EIF2AK1: variants seen among roughly 807,000 people sequenced by gnomAD.
The protein encoded by EIF2AK1 is eukaryotic translation initiation factor 2 alpha kinase 1.
EIF2AK1 carries 54 observed loss-of-function variants against 77.9 expected under a neutral mutation model. That is an observed-to-expected ratio of 0.69 (90% CI 0.56 to 0.87). The LOEUF is 0.87. Among genes scored for constraint, EIF2AK1 ranks in the 40% least tolerant of loss-of-function variants. EIF2AK1 has a pLI of 0.00. For synonymous variants in EIF2AK1, 314 were observed against 290.5 expected, an observed-to-expected ratio of 1.08 and a Z score of -0.82; for missense variants, 810 against 768.6, an observed-to-expected ratio of 1.05 and a Z score of -0.64.
In EIF2AK1 at chr7:6,023,977, G is replaced by C; in HGVS notation, c.*696C>G. 4 of 1,376,734 alleles carry C rather than the reference G, an allele frequency of 2.9e-6. No individual in the cohort carries two copies. The highest frequency in any genetic ancestry group is 3.8e-6 in the Non-Finnish European group (4 of 1,046,896). 85.3% of individuals were successfully genotyped at this position (1,376,734 alleles called of 1,614,324 possible). ...GAGGGATGTACAGATTGGCTGGGGA[G>C]CTGAGTGCTACAATAAAGGAGGAAG... On this transcript the variant is annotated 3_prime_UTR_variant, in exon 15 of 15. Transcript: ENST00000199389.
At chr7:6,027,000 C>A in intron 13 of EIF2AK1, 39 bp from the exon 14 acceptor site, 2 of 1,533,648 alleles carry the variant, frequency 1.3e-6, no homozygotes, top group Non-Finnish European at 1.8e-6. Flanking sequence ...TAGTGAAATA[C>A]AAAGTTAGAA....
In EIF2AK1 at chr7:6,048,812, T is replaced by C. The variant is rs2128890962; in HGVS notation, c.444A>G (p.Lys148=). ...DPCEDISRIQ[K]IRSREVALEA... is the part of the protein sequence containing the mutation. ...AGAAAGTTTTTCACACATACCTGAT[T>C]TTCTGGATACGAGAAATATCCTCAC... is the stretch of plus-strand genomic sequence containing the variant. The change falls in exon 4 of 15, where the codon AAA becomes AAG. Residue 148 remains lysine, a synonymous_variant. Transcript: ENST00000199389. The C allele has an allele frequency of 1.9e-6, 3 of 1,586,152 alleles. No individual in the cohort carries two copies. Among genetic ancestry groups the C allele is most frequent in the South Asian group, 1.2e-5 (1 of 83,540 alleles).
Position 6,023,752 on chromosome 7 carries a change from A to T in EIF2AK1, c.*921T>A, listed in dbSNP as rs748008909. Reference sequence around the variant, plus strand: ...AGAATGGTGCTCTTTCATGCCTATTATCAGTAAGGGGACTTGTATTAGAGT... The same window carrying T: ...AGAATGGTGCTCTTTCATGCCTATTTTCAGTAAGGGGACTTGTATTAGAGT... On this transcript the variant is annotated 3_prime_UTR_variant, in exon 15 of 15. Coordinates refer to ENST00000199389, the MANE Select transcript of EIF2AK1 (RefSeq NM_014413.4). 4.3e-6 allele frequency: 7 copies of T among 1,612,486 alleles called. No individual in the cohort carries two copies. The highest frequency in any genetic ancestry group is 4.2e-6 in the Non-Finnish European group (5 of 1,179,094).
At chr7:6,051,900 T>C (rs901113706) in intron 2 of EIF2AK1, among the ~76,000 whole-genome samples, 3 of 151,974 alleles carry the variant, frequency 2.0e-5, no homozygotes, top group Non-Finnish European at 2.9e-5. Context: ...AGACTGGGCA[T>C]GGTGGCTCAC....
At chr7:6,052,836 C>G (rs1365605304) in intron 2 of EIF2AK1, among the ~76,000 whole-genome samples, 1 of 151,698 alleles carries the variant, frequency 6.6e-6, no homozygotes, top group Non-Finnish European at 1.5e-5. Flanking sequence ...CATGGTGGCA[C>G]GTGCCTACCC....
At chr7:6,041,719 T>C (rs1179549720) in intron 8 of EIF2AK1, among the ~76,000 whole-genome samples, 1 of 151,806 alleles carries the variant, frequency 6.6e-6, no homozygotes, top group Non-Finnish European at 1.5e-5. Flanking sequence ...CATGCGCCTA[T>C]AGTCCCAGCT....
rs1313057850 is a variant in EIF2AK1, at chr7:6,035,076, A to T, written c.1332+2348T>A. Among the ~76,000 whole-genome samples the T allele has an allele frequency of 3.3e-5, 5 of 152,216 alleles. No individual in the cohort carries two copies. The highest frequency in any genetic ancestry group is 1.5e-5 in the Non-Finnish European group (1 of 68,040). On this transcript the variant is annotated intron_variant, in intron 11 of 14. Coordinates refer to ENST00000199389, the MANE Select transcript of EIF2AK1 (RefSeq NM_014413.4). This position sits in a 1 kb window ranked among gnomAD's most constrained non-coding sequence, Gnocchi z 5.5. ...ACTGTGTGAGGTGCCAGACTGCAGA[A>T]ATCACTAAGATACAGCCTTGAAGGG...
At position 6,044,088 on chromosome 7, in the gene EIF2AK1, G is replaced by A. The variant is rs547662584; in HGVS notation, c.730+474C>T. ...CACTCCAGCCTGGGTGACAGAGCGAGACTCTGTCTCAAAAAAAAGAAAAGA... is the reference window on the plus strand; with the variant it reads ...CACTCCAGCCTGGGTGACAGAGCGAAACTCTGTCTCAAAAAAAAGAAAAGA... On this transcript the variant is annotated intron_variant, in intron 7 of 14. Coordinates refer to ENST00000199389, the MANE Select transcript of EIF2AK1 (RefSeq NM_014413.4). Among the ~76,000 whole-genome samples, 29 of 151,846 alleles carry A rather than the reference G, an allele frequency of 1.9e-4. No individual in the cohort carries two copies. In the South Asian group the frequency reaches 6.0e-3, roughly 32 times the overall value.
At position 6,038,162 on chromosome 7, in the gene EIF2AK1, G is replaced by A. The variant is rs1239122423; in HGVS notation, c.1231+398C>T. Among the ~76,000 whole-genome samples, 7 of 152,254 alleles carry A rather than the reference G, an allele frequency of 4.6e-5. No homozygotes were observed. In the East Asian group the frequency reaches 7.7e-4, roughly 17 times the overall value. ...GAAAACATTCTGGCCAGGTGCAGAC[G>A]CTCACGCCTATAATCTCAGCACTTT... On this transcript the variant is annotated intron_variant, in intron 10 of 14. Coordinates refer to ENST00000199389, the MANE Select transcript of EIF2AK1 (RefSeq NM_014413.4).
At chr7:6,049,501 C>T (rs184150594) in intron 3 of EIF2AK1, among the ~76,000 whole-genome samples, 1 of 152,252 alleles carries the variant, frequency 6.6e-6, no homozygotes, top group African/African-American at 2.4e-5. Context: ...CAAGATTGCG[C>T]CACTGCACTC....
rs548620627 is a variant in EIF2AK1, at chr7:6,052,857, G to T, written c.277+1689C>A. Reference sequence around the variant, plus strand: ...GGCACGTGCCTACCCCAGCTACTCGGGAGGGTGAGGCAGGAGAATCACTTG... The same window carrying T: ...GGCACGTGCCTACCCCAGCTACTCGTGAGGGTGAGGCAGGAGAATCACTTG... On this transcript the variant is annotated intron_variant, in intron 2 of 14. Transcript: ENST00000199389. Among the ~76,000 whole-genome samples the T allele has an allele frequency of 3.3e-5, 5 of 152,130 alleles. No individual in the cohort carries two copies. The East Asian group carries it at 9.7e-4, about 29-fold the overall frequency.
chr7:6,038,927 G>C (rs967565082), intron 9 of EIF2AK1, among the ~76,000 whole-genome samples: 1 of 152,034 alleles, frequency 6.6e-6, no homozygotes, highest in Non-Finnish European at 1.5e-5. Context: ...CCAGCAGAAG[G>C]GGGGCCAGGC....
chr7:6,025,658 C>A (rs759455784), intron 14 of EIF2AK1, among the ~76,000 whole-genome samples: 2 of 152,194 alleles, frequency 1.3e-5, no homozygotes, highest in Non-Finnish European at 2.9e-5. Flanking sequence ...TATATTGAGA[C>A]GGAGTCTCGC....
Position 6,046,146 on chromosome 7 carries a change from C to T in EIF2AK1, c.555G>A (p.Arg185=), listed in dbSNP as rs773847022. 6 of 1,526,870 alleles carry T rather than the reference C, an allele frequency of 3.9e-6. No homozygotes were observed. Among genetic ancestry groups the T allele is most frequent in the South Asian group, 3.7e-5 (3 of 80,178 alleles). The allele number at this position is 1,526,870 out of a possible 1,614,324, so 94.6% of individuals were successfully genotyped here. A position where few individuals can be genotyped will look rare whatever the true frequency, so the allele number is the denominator to read the frequency against. ...KGGYGRVYKV[R]NKLDGQYYAI... is the part of the protein sequence containing the mutation. Reference sequence around the variant, plus strand: ...CATAATACTGACCATCTAATTTATTCCTGACCTGAAAAGTAGAAAAAAAGA... The same window carrying T: ...CATAATACTGACCATCTAATTTATTTCTGACCTGAAAAGTAGAAAAAAAGA... Residue 185 remains arginine, a synonymous_variant, in exon 6 of 15, where the codon AGG becomes AGA. Transcript: ENST00000199389.
rs749747260 is a variant in EIF2AK1 at position 6,056,628 on chromosome 7, A to ATATATATATATGTATG, written c.119-1925_119-1924insCATACATATATATATA. On this transcript the variant is annotated intron_variant, in intron 1 of 14. Coordinates refer to ENST00000199389, the MANE Select transcript of EIF2AK1 (RefSeq NM_014413.4). ...AAAAAAAAAAAATATATATATATAT[A>ATATATATATATGTATG]TATATATAAACTCTGTCTGGACATT... is the stretch of plus-strand genomic sequence containing the variant. Among the ~76,000 whole-genome samples, 260 of 75,898 alleles carry ATATATATATATGTATG rather than the reference A, an allele frequency of 3.4e-3. 7 individuals carry two copies. The highest frequency in any genetic ancestry group is 0.01 in the South Asian group (26 of 2,482). 49.8% of individuals were successfully genotyped at this position (75,898 alleles called of 152,430 possible).
At chr7:6,058,128 G>A in intron 1 of EIF2AK1, 1 of 455,568 alleles carries the variant, frequency 2.2e-6, no homozygotes, top group South Asian at 1.5e-5. Flanking sequence ...AAAACTTGGG[G>A]GCTGAGAGTG....
At position 6,027,798 on chromosome 7, in the gene EIF2AK1, G is replaced by T. The variant is rs1225867572; in HGVS notation, c.1530+817C>A. ...AAATCGATTTAGGCCAGGCGCAGAG[G>T]TTCATGCCTTAATCCCAGCACTTTG... On this transcript the variant is annotated intron_variant, in intron 13 of 14. Transcript: ENST00000199389. The surrounding 1 kb of genome is among the most constrained non-coding windows in gnomAD (Gnocchi z 4.5). The T allele has an allele frequency of 9.8e-6, 3 of 306,620 alleles. No homozygotes were observed. The Admixed American group carries it at 1.3e-4, about 14-fold the overall frequency. 19.0% of individuals were successfully genotyped at this position (306,620 alleles called of 1,614,324 possible).
chr7:6,036,894 CCA>C lies in EIF2AK1; in HGVS notation c.1332+528_1332+529del, dbSNP rs1788115915. Among the ~76,000 whole-genome samples, 1 of 152,076 alleles carries C rather than the reference CCA, an allele frequency of 6.6e-6. No individual in the cohort carries two copies. Among genetic ancestry groups the C allele is most frequent in the Admixed American group, 6.6e-5 (1 of 15,252 alleles). ...GCACCTGAAAAAAAGTACTTATACT[CCA>C]CAGAGGATTTTCAAATGCCCCAAAA... is the stretch of plus-strand genomic sequence containing the variant. On this transcript the variant is annotated intron_variant, in intron 11 of 14. Transcript: ENST00000199389. The surrounding 1 kb of genome is among the most constrained non-coding windows in gnomAD (Gnocchi z 4.6).
At position 6,041,235 on chromosome 7, in the gene EIF2AK1, A is replaced by T. The variant is rs759616290; in HGVS notation, c.792-16T>A. ...ACATTGCTCTCTGAAAAAAAAAAAA[A>T]TAGTAAACATAAAAGTCAATGGGCC... On this transcript the variant is annotated splice_polypyrimidine_tract_variant and intron_variant, in intron 8 of 14. Coordinates refer to ENST00000199389, the MANE Select transcript of EIF2AK1 (RefSeq NM_014413.4). 7.1e-7 allele frequency: 1 copy of T among 1,416,436 alleles called. No individual in the cohort carries two copies. The highest frequency in any genetic ancestry group is 9.7e-7 in the Non-Finnish European group (1 of 1,026,396). 87.7% of individuals were successfully genotyped at this position (1,416,436 alleles called of 1,614,324 possible).
Sources: allele counts gnomAD v4.1 joint callset (sites outside exome capture counted in the v4.1 genomes callset), GRCh38; gene constraint gnomAD v4.1.1; non-coding constraint Gnocchi (gnomAD v3.1); transcripts MANE v1.5; gene names NCBI Gene and HGNC (gene_info 2026-07-23, HGNC 2026-07-21).